The following EFCAB8 variants were observed in gnomAD, a reference collection of about 807,000 sequenced individuals.
The protein encoded by EFCAB8 is EF-hand calcium binding domain 8, also known as EF-hand calcium-binding domain-containing protein 8.
In EFCAB8, 100 loss-of-function variants were observed where a neutral mutation model predicts 116.3. That is an observed-to-expected ratio of 0.86 (90% CI 0.73 to 1.02). EFCAB8 has a LOEUF of 1.02. Among genes scored for constraint, EFCAB8 ranks in the 50% least tolerant of loss-of-function variants. The pLI is 0.00. For missense variants in EFCAB8, 1,320 were observed against 1,416.9 expected (o/e 0.93, Z 1.10); for synonymous variants, 558 against 567.9 (o/e 0.98, Z 0.25).
intron 5 of EFCAB8, among the ~76,000 whole-genome samples, chr20:32,884,377 C>G (rs1985499140): frequency 6.6e-6 from 1 of 152,152 alleles, no homozygotes; most frequent in Non-Finnish European, 1.5e-5. Context: ...GGCTGTCTTC[C>G]CTTTTCCTAG....
At chr20:32,867,528 T>G in intron 2 of EFCAB8, 54 bp from the exon 3 acceptor site, 1 of 1,525,014 alleles carries the variant, frequency 6.6e-7, no homozygotes, top group Non-Finnish European at 8.8e-7. Context: ...CTGAAAATGT[T>G]TGGCTCAGGA....
intron 22 of EFCAB8, 95 bp downstream of exon 22, chr20:32,931,431 C>G: frequency 7.2e-7 from 1 of 1,383,212 alleles, no homozygotes; most frequent in Non-Finnish European, 9.5e-7. Context: ...GAGAAATACA[C>G]TTACTAAAAG....
At chr20:32,934,419 T>C (rs1988025810) in intron 22 of EFCAB8, among the ~76,000 whole-genome samples, 1 of 152,080 alleles carries the variant, frequency 6.6e-6, no homozygotes, top group South Asian at 2.1e-4. Flanking sequence ...AACATGGGAG[T>C]GCAGGTATTT....
In EFCAB8 at chr20:32,897,302, G is replaced by A. The variant is rs139895502; in HGVS notation, c.957+775G>A. Reference sequence around the variant, plus strand: ...AGATCGACAGCTCCTCAACGGCAGCGGCTTCGTGCTCTCGGTTGTCTCCAG... The same window carrying A: ...AGATCGACAGCTCCTCAACGGCAGCAGCTTCGTGCTCTCGGTTGTCTCCAG... On this transcript the variant is annotated intron_variant, in intron 10 of 26. Transcript: ENST00000400522. Among the ~76,000 whole-genome samples the A allele has an allele frequency of 2.8e-3, 427 of 152,186 alleles. 1 individual carries two copies. The highest frequency in any genetic ancestry group is 4.2e-3 in the Non-Finnish European group (284 of 68,018).
At chr20:32,900,758 C>T (rs1406920985) in intron 11 of EFCAB8, among the ~76,000 whole-genome samples, 6 of 152,018 alleles carry the variant, frequency 3.9e-5, no homozygotes, top group Admixed American at 6.5e-5. Context: ...TTAGTAGAGA[C>T]GGGGTTTCAC....
chr20:32,886,174 T>C (rs753444880), intron 6 of EFCAB8, among the ~76,000 whole-genome samples: 25 of 152,238 alleles, frequency 1.6e-4, no homozygotes, highest in Non-Finnish European at 3.7e-4. Flanking sequence ...GTGCCTCAGT[T>C]TTCCCATCTG....
chr20:32,888,137 C>T (rs1325708946), intron 6 of EFCAB8, among the ~76,000 whole-genome samples: 2 of 151,930 alleles, frequency 1.3e-5, no homozygotes, highest in Non-Finnish European at 2.9e-5. Context: ...AATCACGGCT[C>T]ACTGCAGCCT....
Position 32,959,991 on chromosome 20 carries a change from G to T in EFCAB8, c.3294+9G>T. 1 of 1,551,578 alleles carries T rather than the reference G, an allele frequency of 6.4e-7. No individual in the cohort carries two copies. The highest frequency in any genetic ancestry group is 1.2e-5 in the South Asian group (1 of 84,038). On this transcript the variant is annotated intron_variant, in intron 25 of 26. Coordinates refer to ENST00000400522, the MANE Select transcript of EFCAB8 (RefSeq NM_001143967.2). ...AGTCCAGGGACAAGCAGGTGAGGCTGGGAGGGGAGCACAGGGAGGAGTGCA... is the reference window on the plus strand; with the variant it reads ...AGTCCAGGGACAAGCAGGTGAGGCTTGGAGGGGAGCACAGGGAGGAGTGCA...
chr20:32,912,662 G>T, intron 16 of EFCAB8, 132 bp from the exon 17 acceptor site: 1 of 687,386 alleles, frequency 1.5e-6, no homozygotes, highest in Middle Eastern at 2.4e-4. Flanking sequence ...AATACATGGT[G>T]GTATCACCTG....
chr20:32,924,702 T>A (rs1007720263), intron 20 of EFCAB8, among the ~76,000 whole-genome samples: 1 of 152,202 alleles, frequency 6.6e-6, no homozygotes, highest in African/African-American at 2.4e-5. Context: ...CGTGGCCTGG[T>A]GATCTGTGTG....
chr20:32,869,952 A>G (rs984190718), intron 3 of EFCAB8, among the ~76,000 whole-genome samples: 2 of 152,198 alleles, frequency 1.3e-5, no homozygotes, highest in African/African-American at 4.8e-5. Flanking sequence ...TTGTGCCTCA[A>G]GCCTTTTCTC....
intron 11 of EFCAB8, among the ~76,000 whole-genome samples, chr20:32,899,404 C>CAAA (rs113891250): frequency 3.2e-5 from 3 of 93,682 alleles, no homozygotes; most frequent in Non-Finnish European, 4.2e-5. Context: ...GACTCCGTCT[C>CAAA]AAAAAAAAAA....
intron 23 of EFCAB8, among the ~76,000 whole-genome samples, chr20:32,947,745 A>G (rs754460445): frequency 6.6e-6 from 1 of 152,110 alleles, no homozygotes; most frequent in Non-Finnish European, 1.5e-5. Context: ...CCTATATTAG[A>G]AGGAAAAAAG....
At chr20:32,880,272 C>G (rs1190613366) in intron 5 of EFCAB8, among the ~76,000 whole-genome samples, 1 of 145,674 alleles carries the variant, frequency 6.9e-6, no homozygotes, top group Non-Finnish European at 1.5e-5. Context: ...CCAAGGGTAA[C>G]TTTTTTTTTT....
intron 4 of EFCAB8, among the ~76,000 whole-genome samples, 190 bp from the exon 5 acceptor site, chr20:32,878,508 CTTTTTT>C (rs1292839813): frequency 1.7e-5 from 2 of 116,652 alleles, no homozygotes; most frequent in African/African-American, 6.2e-5. Context: ...GGCTTGAGTT[CTTTTTT>C]TTTTTTTTTT....
intron 20 of EFCAB8, among the ~76,000 whole-genome samples, chr20:32,928,217 T>A (rs1042185186): frequency 1.3e-5 from 2 of 151,112 alleles, no homozygotes; most frequent in Non-Finnish European, 2.9e-5. Flanking sequence ...AACGTTAGTG[T>A]ATAGAAATGC....
intron 23 of EFCAB8, among the ~76,000 whole-genome samples, chr20:32,945,110 A>G (rs1344678900): frequency 1.3e-5 from 2 of 151,680 alleles, no homozygotes; most frequent in South Asian, 2.1e-4. Context: ...TTTGAATTCA[A>G]TTATTTTACT....
Position 32,867,633 on chromosome 20 carries a change from C to G in EFCAB8, c.94C>G (p.Pro32Ala). Residue 32 changes from proline (P) to alanine (A), a missense_variant, in exon 3 of 27, where the codon CCA (proline) becomes GCA (alanine). Pro to Ala is a conservative substitution (Grantham distance 27). Transcript: ENST00000400522. ...QNKEAASSPT[P>A]SITLSQVPDL... Reference sequence around the variant, plus strand: ...CAAGGAGGCTGCTAGCTCCCCAACACCATCCATCACCCTTAGCCAGGTGCC... The same window carrying G: ...CAAGGAGGCTGCTAGCTCCCCAACAGCATCCATCACCCTTAGCCAGGTGCC... The G allele has an allele frequency of 6.4e-7, 1 of 1,551,696 alleles. No homozygotes were observed.
At chr20:32,933,235 G>A (rs1209171300) in intron 22 of EFCAB8, among the ~76,000 whole-genome samples, 2 of 152,094 alleles carry the variant, frequency 1.3e-5, no homozygotes, top group African/African-American at 4.8e-5. Context: ...CTGACCATCT[G>A]CTCTTAGTTT....
Sources: allele counts gnomAD v4.1 joint callset (sites outside exome capture counted in the v4.1 genomes callset), GRCh38; gene constraint gnomAD v4.1.1; transcripts MANE v1.5; gene names NCBI Gene and HGNC (gene_info 2026-07-23, HGNC 2026-07-21).